The following GALNT18 variants were observed in gnomAD, a reference collection of about 807,000 sequenced individuals.
The protein encoded by GALNT18 is GalNAc-transferase 18.
A neutral mutation model predicts 69.5 loss-of-function variants in GALNT18; 44 were observed. The observed-to-expected ratio is 0.63, with a 90% CI of 0.50 to 0.81. The LOEUF (loss-of-function observed/expected upper bound fraction) is 0.81. Ranked by LOEUF, GALNT18 falls within the 40% of genes least tolerant of loss-of-function variation. The probability of loss-of-function intolerance (pLI) is 0.00; values close to 1 mark genes in which losing one functional copy is unlikely to be tolerated. For missense variants in GALNT18, 715 were observed against 810.0 expected, an observed-to-expected ratio of 0.88 and a Z score of 1.42; for synonymous variants, 364 against 318.2, an observed-to-expected ratio of 1.14 and a Z score of -1.53.
In GALNT18 at chr11:11,465,141, C is replaced by T. The variant is rs147742186; in HGVS notation, c.236-16205G>A. Reference sequence around the variant, plus strand: ...ATACAGATCCCACTGGTAACCTGGGCGAGGTGCCTTGGGATGCCTGAGGAA... The same window carrying T: ...ATACAGATCCCACTGGTAACCTGGGTGAGGTGCCTTGGGATGCCTGAGGAA... On this transcript the variant is annotated intron_variant, in intron 1 of 10. Transcript: ENST00000227756. The surrounding 1 kb of genome is among the most constrained non-coding windows in gnomAD (Gnocchi z 5.7). Among the ~76,000 whole-genome samples, 120 of 152,268 alleles carry T rather than the reference C, an allele frequency of 7.9e-4. No individual in the cohort carries two copies. The highest frequency in any genetic ancestry group is 2.6e-3 in the African/African-American group (108 of 41,554).
At chr11:11,607,762 G>GA in intron 1 of GALNT18, among the ~76,000 whole-genome samples, 1 of 152,202 alleles carries the variant, frequency 6.6e-6, no homozygotes, top group Admixed American at 6.5e-5. Flanking sequence ...AGAAGAGAGG[G>GA]AAAAATCTGT....
At chr11:11,284,438 G>A (rs1212407889) in intron 10 of GALNT18, among the ~76,000 whole-genome samples, 1 of 152,128 alleles carries the variant, frequency 6.6e-6, no homozygotes, top group East Asian at 1.9e-4. Context: ...TGTTTCATTG[G>A]TGGTGGTGGT....
intron 1 of GALNT18, among the ~76,000 whole-genome samples, chr11:11,493,549 T>A (rs1856815577): frequency 6.6e-6 from 1 of 152,202 alleles, no homozygotes; most frequent in Non-Finnish European, 1.5e-5. Context: ...GAATTACGGA[T>A]AACATTGTGA....
intron 1 of GALNT18, among the ~76,000 whole-genome samples, chr11:11,553,358 G>T (rs1004434180): frequency 6.6e-6 from 1 of 152,170 alleles, no homozygotes; most frequent in Non-Finnish European, 1.5e-5. Context: ...TCCCAGTCAA[G>T]CACCTGGGGC....
At chr11:11,284,484 C>T (rs531141116) in intron 10 of GALNT18, among the ~76,000 whole-genome samples, 2 of 152,290 alleles carry the variant, frequency 1.3e-5, no homozygotes, top group South Asian at 2.1e-4. Flanking sequence ...CAAGCTATGA[C>T]CCCCTTTCAG....
intron 9 of GALNT18, among the ~76,000 whole-genome samples, chr11:11,325,579 T>G (rs1849902971): frequency 6.6e-6 from 1 of 152,144 alleles, no homozygotes; most frequent in Admixed American, 6.6e-5. Flanking sequence ...AAATATATAT[T>G]ATATAGTCCT....
intron 10 of GALNT18, among the ~76,000 whole-genome samples, chr11:11,292,225 A>C (rs1276956578): frequency 6.6e-6 from 1 of 152,072 alleles, no homozygotes; most frequent in African/African-American, 2.4e-5. Flanking sequence ...TACCTGCTCC[A>C]CCTGGGAGGC....
At chr11:11,373,275 G>A (rs1245518518) in intron 5 of GALNT18, among the ~76,000 whole-genome samples, 1 of 152,120 alleles carries the variant, frequency 6.6e-6, no homozygotes, top group African/African-American at 2.4e-5. Flanking sequence ...CTGTATCCAG[G>A]TGAAAAATGA....
chr11:11,380,634 T>C (rs1026887366), intron 3 of GALNT18, among the ~76,000 whole-genome samples: 1 of 152,246 alleles, frequency 6.6e-6, no homozygotes, highest in East Asian at 1.9e-4. Context: ...TACATGGTGC[T>C]ACTAAGTCAG....
At chr11:11,526,950 T>C (rs2133936516) in intron 1 of GALNT18, among the ~76,000 whole-genome samples, 1 of 152,268 alleles carries the variant, frequency 6.6e-6, no homozygotes, top group African/African-American at 2.4e-5. Context: ...GTGGGAGTCT[T>C]GCACCTAGAC....
intron 10 of GALNT18, among the ~76,000 whole-genome samples, chr11:11,291,574 A>G (rs1849299461): frequency 6.6e-6 from 1 of 152,204 alleles, no homozygotes; most frequent in Non-Finnish European, 1.5e-5. Flanking sequence ...AAGGAGCAGG[A>G]GCCATGAGTC....
chr11:11,290,866 G>A (rs138207097), intron 10 of GALNT18, among the ~76,000 whole-genome samples: 288 of 152,218 alleles, frequency 1.9e-3, no homozygotes, highest in African/African-American at 6.6e-3. Flanking sequence ...ACAGTCTGAG[G>A]CATGAAGACC....
rs61001797 is a variant in GALNT18 at position 11,497,327 on chromosome 11, AACACACACACACACAC to A, written c.236-48407_236-48392del. Among the ~76,000 whole-genome samples, 17 of 132,230 alleles carry A rather than the reference AACACACACACACACAC, an allele frequency of 1.3e-4. No homozygotes were observed. The East Asian group carries it at 1.4e-3, about 11-fold the overall frequency. The allele number at this position is 132,230 out of a possible 152,430, so 86.7% of individuals were successfully genotyped here. A position where few individuals can be genotyped will look rare whatever the true frequency, so the allele number is the denominator to read the frequency against. ...TATTTATGTTTTACCTCCTGTCTCC[AACACACACACACACAC>A]ACACACACACACACACACACACACA... On this transcript the variant is annotated intron_variant, in intron 1 of 10. Coordinates refer to ENST00000227756, the MANE Select transcript of GALNT18 (RefSeq NM_198516.3). The surrounding 1 kb of genome is among the most constrained non-coding windows in gnomAD (Gnocchi z 4.2).
At chr11:11,394,980 C>T (rs1854292917) in intron 3 of GALNT18, among the ~76,000 whole-genome samples, 1 of 152,234 alleles carries the variant, frequency 6.6e-6, no homozygotes, top group Non-Finnish European at 1.5e-5. Flanking sequence ...GTTAGGGACC[C>T]AGTCTGAAGA....
intron 2 of GALNT18, among the ~76,000 whole-genome samples, chr11:11,437,039 A>T (rs1855417851): frequency 6.6e-6 from 1 of 152,128 alleles, no homozygotes; most frequent in South Asian, 2.1e-4. Context: ...GTCCTGCCGC[A>T]GCCGGGACCC....
At chr11:11,530,892 A>G (rs1235464141) in intron 1 of GALNT18, among the ~76,000 whole-genome samples, 1 of 152,218 alleles carries the variant, frequency 6.6e-6, no homozygotes, top group Admixed American at 6.5e-5. Flanking sequence ...GGAAAAGAGC[A>G]GAGCCAAGGA....
intron 1 of GALNT18, among the ~76,000 whole-genome samples, chr11:11,570,521 G>C (rs1344768397): frequency 6.6e-6 from 1 of 152,160 alleles, no homozygotes; most frequent in African/African-American, 2.4e-5. Context: ...TTTCCTCCTG[G>C]GGGACCCTGC....
chr11:11,349,536 T>C (rs908787189), intron 6 of GALNT18, among the ~76,000 whole-genome samples: 1 of 152,198 alleles, frequency 6.6e-6, no homozygotes, highest in Non-Finnish European at 1.5e-5. Context: ...CAACCTCCCC[T>C]GATTACTAGT....
rs138022643 is a variant in GALNT18 at position 11,401,644 on chromosome 11, C to T, written c.596-22380G>A. ...TTGCTCTGATCAAACATTTCACTTT[C>T]GCATATTTAATATTATCATTCAAAG... On this transcript the variant is annotated intron_variant, in intron 3 of 10. Coordinates refer to ENST00000227756, the MANE Select transcript of GALNT18 (RefSeq NM_198516.3). Among the ~76,000 whole-genome samples the T allele has an allele frequency of 1.6e-3, 243 of 152,328 alleles. 1 individual carries two copies. Among genetic ancestry groups the T allele is most frequent in the African/African-American group, 5.2e-3 (218 of 41,566 alleles).
Sources: gnomAD v4.1 joint callset for allele counts (sites outside exome capture counted in the v4.1 genomes callset) on GRCh38, gnomAD v4.1.1 for gene constraint, Gnocchi (gnomAD v3.1) non-coding constraint, MANE v1.5 for transcripts, NCBI Gene and HGNC (gene_info 2026-07-23, HGNC 2026-07-21) for gene names.